The following MAPKAP1 variants were observed in gnomAD, a reference collection of about 807,000 sequenced individuals.
MAPKAP1 encodes target of rapamycin complex 2 subunit MAPKAP1.
MAPKAP1 carries 20 observed loss-of-function variants against 65.7 expected under a neutral mutation model. The observed-to-expected ratio is 0.30, with a 90% CI of 0.21 to 0.44. The LOEUF (loss-of-function observed/expected upper bound fraction) is 0.44, where lower values mean the gene tolerates loss of function less well. Ranked by LOEUF, MAPKAP1 falls within the 20% of genes least tolerant of loss-of-function variation. MAPKAP1 has a pLI of 1.00. For synonymous variants in MAPKAP1, 222 were observed against 244.3 expected (o/e 0.91, Z 0.85); for missense variants, 423 against 648.0 (o/e 0.65, Z 3.77).
chr9:125,692,462 G>T (rs1280760719), intron 1 of MAPKAP1, among the ~76,000 whole-genome samples: 1 of 152,200 alleles, frequency 6.6e-6, no homozygotes, highest in Non-Finnish European at 1.5e-5. Flanking sequence ...CATAGAGACA[G>T]AAAGTAGATT....
chr9:125,576,534 C>T (rs1490333563), intron 5 of MAPKAP1, among the ~76,000 whole-genome samples: 3 of 152,178 alleles, frequency 2.0e-5, no homozygotes, highest in African/African-American at 7.2e-5. Context: ...TCCCCACGGT[C>T]TCCCTCTCTT....
At chr9:125,524,512 G>C (rs958907696) in intron 7 of MAPKAP1, among the ~76,000 whole-genome samples, 4 of 151,958 alleles carry the variant, frequency 2.6e-5, no homozygotes, top group African/African-American at 9.7e-5. Context: ...TATATATCCT[G>C]TTTTATTTTA....
chr9:125,631,627 T>C (rs1833282997), intron 4 of MAPKAP1, among the ~76,000 whole-genome samples: 1 of 152,228 alleles, frequency 6.6e-6, no homozygotes, highest in Non-Finnish European at 1.5e-5. Flanking sequence ...GACGTAAGGA[T>C]GTCAGTTTCC....
At chr9:125,615,797 C>T (rs1359156126) in intron 4 of MAPKAP1, among the ~76,000 whole-genome samples, 3 of 151,810 alleles carry the variant, frequency 2.0e-5, no homozygotes, top group African/African-American at 7.3e-5. Flanking sequence ...CCTGTAATCC[C>T]AGCTACTCAG....
chr9:125,688,608 C>A (rs954958268), intron 1 of MAPKAP1, among the ~76,000 whole-genome samples: 3 of 152,076 alleles, frequency 2.0e-5, no homozygotes, highest in Non-Finnish European at 4.4e-5. Flanking sequence ...TGCCTGTAAT[C>A]CCAACACTTT....
chr9:125,697,048 G>A (rs1835407859), intron 1 of MAPKAP1, among the ~76,000 whole-genome samples: 1 of 152,180 alleles, frequency 6.6e-6, no homozygotes, highest in African/African-American at 2.4e-5. Flanking sequence ...CACTGAAGAG[G>A]TGATGGTAGC....
At chr9:125,562,272 T>G (rs1020301137) in intron 5 of MAPKAP1, among the ~76,000 whole-genome samples, 1 of 152,266 alleles carries the variant, frequency 6.6e-6, no homozygotes, top group Admixed American at 6.5e-5. Flanking sequence ...AAAGGTTCAC[T>G]GCCAAGTGCT....
At chr9:125,569,217 G>A (rs977463612) in intron 5 of MAPKAP1, among the ~76,000 whole-genome samples, 5 of 152,168 alleles carry the variant, frequency 3.3e-5, no homozygotes, top group African/African-American at 9.7e-5. Flanking sequence ...GCCTTCCAGG[G>A]AACAGGAATT....
intron 6 of MAPKAP1, among the ~76,000 whole-genome samples, chr9:125,550,430 A>G (rs1463071675): frequency 6.6e-6 from 1 of 152,240 alleles, no homozygotes; most frequent in African/African-American, 2.4e-5. Context: ...TTGAAGACAC[A>G]TATTAACTAA....
At chr9:125,705,812 G>A (rs974053633) in intron 1 of MAPKAP1, among the ~76,000 whole-genome samples, 1 of 152,194 alleles carries the variant, frequency 6.6e-6, no homozygotes, top group Non-Finnish European at 1.5e-5. Flanking sequence ...AGGCAAGGTA[G>A]GGAGAATGTT....
chr9:125,476,679 C>T (rs1042570273), intron 9 of MAPKAP1, among the ~76,000 whole-genome samples: 4 of 152,062 alleles, frequency 2.6e-5, no homozygotes, highest in Non-Finnish European at 5.9e-5. Context: ...GTGCTGTTAC[C>T]GTGTTTCTTA....
chr9:125,445,183 G>T (rs879762738), intron 10 of MAPKAP1, among the ~76,000 whole-genome samples: 6 of 152,182 alleles, frequency 3.9e-5, no homozygotes, highest in African/African-American at 9.7e-5. Flanking sequence ...CTCACAAAGC[G>T]ACCGACTCCA....
At chr9:125,483,970 A>G (rs1467885676) in intron 9 of MAPKAP1, among the ~76,000 whole-genome samples, 1 of 152,234 alleles carries the variant, frequency 6.6e-6, no homozygotes, top group African/African-American at 2.4e-5. Flanking sequence ...TTAGCACATA[A>G]TTAGAACAAA....
intron 7 of MAPKAP1, among the ~76,000 whole-genome samples, chr9:125,508,063 G>A (rs1829195703): frequency 6.6e-6 from 1 of 152,166 alleles, no homozygotes; most frequent in African/African-American, 2.4e-5. Flanking sequence ...CTACTCGGGA[G>A]GCTGAGGCGG....
At chr9:125,506,715 C>T (rs1322623028) in intron 7 of MAPKAP1, among the ~76,000 whole-genome samples, 1 of 152,214 alleles carries the variant, frequency 6.6e-6, no homozygotes, top group Admixed American at 6.5e-5. Flanking sequence ...AGGTCACCTA[C>T]CCTCTCTGAA....
rs142691394 is a variant in MAPKAP1, at chr9:125,695,172, T to G, written c.-70+11799A>C. On this transcript the variant is annotated intron_variant, in intron 1 of 11. Transcript: ENST00000265960. ...TCCAGTGATCAAAGCTTCATTCGCTTGTAAACTGTTTCTCAGGTAAACTGA... is the reference window on the plus strand; with the variant it reads ...TCCAGTGATCAAAGCTTCATTCGCTGGTAAACTGTTTCTCAGGTAAACTGA... Among the ~76,000 whole-genome samples the G allele has an allele frequency of 2.6e-5, 4 of 152,350 alleles. No individual in the cohort carries two copies. In the East Asian group the frequency reaches 7.7e-4, roughly 29 times the overall value.
intron 11 of MAPKAP1, among the ~76,000 whole-genome samples, chr9:125,440,486 G>A (rs530291483): frequency 6.6e-6 from 1 of 152,312 alleles, no homozygotes; most frequent in East Asian, 1.9e-4. Context: ...TCTGACAAGA[G>A]AGGCCAGCCA....
At chr9:125,581,189 T>G (rs1324007310) in intron 5 of MAPKAP1, among the ~76,000 whole-genome samples, 1 of 152,246 alleles carries the variant, frequency 6.6e-6, no homozygotes, top group Non-Finnish European at 1.5e-5. Flanking sequence ...TATGTGAATG[T>G]AAGTTTTCAC....
intron 7 of MAPKAP1, among the ~76,000 whole-genome samples, chr9:125,508,827 T>C (rs543123811): frequency 6.6e-6 from 1 of 152,074 alleles, no homozygotes; most frequent in East Asian, 1.9e-4. Flanking sequence ...CTAGAACCTA[T>C]CTCCAAAAAA....
Sources: allele counts gnomAD v4.1 joint callset (sites outside exome capture counted in the v4.1 genomes callset), GRCh38; gene constraint gnomAD v4.1.1; transcripts MANE v1.5; gene names NCBI Gene and HGNC (gene_info 2026-07-23, HGNC 2026-07-21).